The following CASP9 variants were observed in gnomAD, a reference collection of about 807,000 sequenced individuals.
CASP9 encodes caspase 9.
Under a neutral mutation model 43.5 loss-of-function variants are expected in CASP9, and 29 were observed. That is an observed-to-expected ratio of 0.67 (90% CI 0.50 to 0.91). The LOEUF (loss-of-function observed/expected upper bound fraction) is 0.91, where lower values mean the gene tolerates loss of function less well. CASP9 is among the 40% of genes least tolerant of loss of function. The probability of loss-of-function intolerance (pLI) is 0.00; values close to 1 mark genes in which losing one functional copy is unlikely to be tolerated. For missense variants in CASP9, 575 were observed against 537.4 expected (o/e 1.07, Z -0.69); for synonymous variants, 206 against 211.9 (o/e 0.97, Z 0.24).
chr1:15,493,333 G>A (rs1708963557), intron 8 of CASP9: 1 of 1,277,832 alleles, frequency 7.8e-7, no homozygotes. Flanking sequence ...CAGAGCAGCT[G>A]GGGCCCATAC....
At chr1:15,501,523 A>G (rs1329219322) in intron 6 of CASP9, among the ~76,000 whole-genome samples, 1 of 152,090 alleles carries the variant, frequency 6.6e-6, no homozygotes, top group Non-Finnish European at 1.5e-5. Flanking sequence ...ATGTAAACAG[A>G]CCCCTCGCCA....
chr1:15,524,187 T>G lies in CASP9; in HGVS notation c.14A>C (p.Asp5Ala), dbSNP rs1481496881. 1 of 1,546,248 alleles carries G rather than the reference T, an allele frequency of 6.5e-7. No homozygotes were observed. Among genetic ancestry groups the G allele is most frequent in the Non-Finnish European group, 8.7e-7 (1 of 1,150,580 alleles). MDEA[D>A]RRLLRRCRLR... ...CCGGCACCGCCGCAGGAGCCGCCGA[T>G]CCGCTTCGTCCATGGCGAGTAGCCA... Residue 5 changes from aspartate to alanine, a missense_variant, in exon 1 of 9, where the codon GAT becomes GCT. Coordinates refer to ENST00000333868, the MANE Select transcript of CASP9 (RefSeq NM_001229.5).
chr1:15,505,941 C>T (rs1200581234), intron 5 of CASP9, 49 bp downstream of exon 5: 1 of 1,445,758 alleles, frequency 6.9e-7, no homozygotes, highest in South Asian at 1.1e-5. Context: ...AGCCTCTTGG[C>T]ACGGCCAGTA....
Position 15,495,425 on chromosome 1 carries a change from G to A in CASP9, c.896C>T (p.Ala299Val), listed in dbSNP as rs1250501639. 1 of 1,603,250 alleles carries A rather than the reference G, an allele frequency of 6.2e-7. No homozygotes were observed. ...GGACTCGTCTTCAGGGGAAGTGGAG[G>A]CCACCTCAAACCCATGGTCTTTCTG... ...GEQKDHGFEV[A>V]STSPEDESPG... is the part of the protein sequence containing the mutation. Residue 299 changes from alanine to valine, a missense_variant, in exon 7 of 9, where the codon GCC becomes GTC. Ala to Val is a moderately conservative substitution (Grantham distance 64). Coordinates refer to ENST00000333868, the MANE Select transcript of CASP9 (RefSeq NM_001229.5).
In CASP9 at chr1:15,493,555, G is replaced by A. The variant is rs1407274922; in HGVS notation, c.1158+337C>T. 4 of 1,416,672 alleles carry A rather than the reference G, an allele frequency of 2.8e-6. No individual in the cohort carries two copies. The African/African-American group carries it at 4.3e-5, about 15-fold the overall frequency. The allele number at this position is 1,416,672 out of a possible 1,614,324, so 87.8% of individuals were successfully genotyped here. A position where few individuals can be genotyped will look rare whatever the true frequency, so the allele number is the denominator to read the frequency against. On this transcript the variant is annotated intron_variant, in intron 8 of 8. Transcript: ENST00000333868. Reference sequence around the variant, plus strand: ...GACTACATGATGCCCACAGGATATAGGGAGGGGCCCATGACCCGCCTTCAG... The same window carrying A: ...GACTACATGATGCCCACAGGATATAAGGAGGGGCCCATGACCCGCCTTCAG...
Position 15,505,943 on chromosome 1 carries a change from C to T in CASP9, c.720+47G>A, listed in dbSNP as rs534171820. On this transcript the variant is annotated intron_variant, in intron 5 of 8. Transcript: ENST00000333868. ...ATGGCCCCTGCACAGCCTCTTGGCA[C>T]GGCCAGTACCCAATGCCTGCCCAGG... 175 of 1,434,328 alleles carry T rather than the reference C, an allele frequency of 1.2e-4. 1 individual carries two copies. The Admixed American group carries it at 1.3e-3, about 10-fold the overall frequency. The allele number at this position is 1,434,328 out of a possible 1,614,324, so 88.9% of individuals were successfully genotyped here. A position where few individuals can be genotyped will look rare whatever the true frequency, so the allele number is the denominator to read the frequency against.
chr1:15,506,963 T>C lies in CASP9; in HGVS notation c.566A>G (p.Lys189Arg), dbSNP rs1466269237. Reference protein sequence around the residue: ...TRTGSNIDCEKLRRRFSSLHF... With the variant: ...TRTGSNIDCERLRRRFSSLHF... ...CAGCGAGGAGAAGCGACGCCGCAAC[T>C]TCTCACAGTCGATGTTGGAGCCAGT... Residue 189 changes from lysine (K) to arginine (R), a missense_variant, in exon 4 of 9, where the codon AAG (lysine) becomes AGG (arginine). Physicochemically the swap from Lys to Arg is conservative, Grantham distance 26. Transcript: ENST00000333868. The C allele has an allele frequency of 6.2e-7, 1 of 1,613,750 alleles. No individual in the cohort carries two copies. The highest frequency in any genetic ancestry group is 1.7e-5 in the Admixed American group (1 of 59,976).
At chr1:15,505,623 G>A (rs1360972617) in intron 5 of CASP9, among the ~76,000 whole-genome samples, 2 of 152,118 alleles carry the variant, frequency 1.3e-5, no homozygotes, top group African/African-American at 4.8e-5. Context: ...GGTGTCCTGA[G>A]TCCCACCAGC....
chr1:15,503,124 C>T (rs1025076952), intron 6 of CASP9, among the ~76,000 whole-genome samples: 11 of 152,172 alleles, frequency 7.2e-5, no homozygotes, highest in South Asian at 4.1e-4. Flanking sequence ...CAGTGGCTCA[C>T]GCCTGTAATC....
intron 6 of CASP9, among the ~76,000 whole-genome samples, chr1:15,499,098 G>A (rs1451711112): frequency 6.6e-6 from 1 of 152,188 alleles, no homozygotes; most frequent in East Asian, 1.9e-4. Flanking sequence ...CCTCTAGCAA[G>A]TAGCTATCAG....
In CASP9 at chr1:15,491,522, C is replaced by T; in HGVS notation, c.*1421G>A. On this transcript the variant is annotated 3_prime_UTR_variant, in exon 9 of 9. Coordinates refer to ENST00000333868, the MANE Select transcript of CASP9 (RefSeq NM_001229.5). ...CCTGTAACCCCTGCACTTTGGGAGG[C>T]TAAGGCAGGCTGATCGCTTGAGTCC... 1 of 584,220 alleles carries T rather than the reference C, an allele frequency of 1.7e-6. No homozygotes were observed. The highest frequency in any genetic ancestry group is 3.0e-5 in the Admixed American group (1 of 33,052). 36.2% of individuals were successfully genotyped at this position (584,220 alleles called of 1,614,324 possible).
upstream of CASP9, chr1:15,524,672 T>C (rs1710380655): frequency 2.0e-6 from 2 of 984,946 alleles, no homozygotes; most frequent in African/African-American, 2.6e-5. Flanking sequence ...CGCTCTTGCG[T>C]CACCGCCTCG....
Position 15,524,087 on chromosome 1 carries a change from A to T in CASP9, c.114T>A (p.His38Gln), listed in dbSNP as rs764890956. Residue 38 changes from histidine (H) to glutamine (Q), a missense_variant, in exon 1 of 9, where the codon CAT becomes CAA. Transcript: ENST00000333868. ...GGCGCACCTGGATGTCCTCGATCAT[A>T]TGGGGCCTGAACAGCTCGCGGCTCA... ...ALLSRELFRP[H>Q]MIEDIQRAGS... The T allele has an allele frequency of 1.3e-6, 2 of 1,526,138 alleles. No homozygotes were observed. Among genetic ancestry groups the T allele is most frequent in the Non-Finnish European group, 1.8e-6 (2 of 1,141,500 alleles). 94.5% of individuals were successfully genotyped at this position (1,526,138 alleles called of 1,614,324 possible).
Position 15,507,915 on chromosome 1 carries a change from G to A in CASP9, c.419-8C>T. The A allele has an allele frequency of 6.2e-7, 1 of 1,614,088 alleles. No homozygotes were observed. The highest frequency in any genetic ancestry group is 8.5e-7 in the Non-Finnish European group (1 of 1,179,958). On this transcript the variant is annotated splice_region_variant and splice_polypyrimidine_tract_variant and intron_variant, in intron 2 of 8. Coordinates refer to ENST00000333868, the MANE Select transcript of CASP9 (RefSeq NM_001229.5). ...TCAAACTCTCAAGAGCACCTGAAGA[G>A]GCAGAGAAAGAGAGAAACATGAATG...
chr1:15,520,655 C>T (rs971465085), intron 1 of CASP9, among the ~76,000 whole-genome samples: 11 of 152,144 alleles, frequency 7.2e-5, no homozygotes, highest in Admixed American at 2.0e-4. Context: ...CTTAGCAGAC[C>T]GCGAAGGGGA....
chr1:15,502,635 T>C (rs1368833788), intron 6 of CASP9, among the ~76,000 whole-genome samples: 1 of 152,120 alleles, frequency 6.6e-6, no homozygotes, highest in Non-Finnish European at 1.5e-5. Flanking sequence ...GAAGCCCTGC[T>C]ACTGAGTCCT....
At chr1:15,524,541 T>G, upstream of CASP9, 2 of 242,678 alleles carry the variant, frequency 8.2e-6, no homozygotes, top group Non-Finnish European at 1.1e-5. Flanking sequence ...AATCCACCAC[T>G]GCGTCCCCGC....
chr1:15,509,435 T>C (rs184241332), intron 2 of CASP9, among the ~76,000 whole-genome samples: 172 of 128,926 alleles, frequency 1.3e-3, no homozygotes, highest in African/African-American at 4.8e-3. Flanking sequence ...GCCAACGTGG[T>C]GAAACCCCAT....
intron 1 of CASP9, among the ~76,000 whole-genome samples, chr1:15,522,165 G>C (rs758641218): frequency 1.3e-5 from 2 of 152,206 alleles, no homozygotes; most frequent in African/African-American, 4.8e-5. Context: ...AAAAATTTCA[G>C]GGAAACTGAG....
Sources: gnomAD v4.1 joint callset for allele counts (sites outside exome capture counted in the v4.1 genomes callset) on GRCh38, gnomAD v4.1.1 for gene constraint, MANE v1.5 for transcripts, NCBI Gene and HGNC (gene_info 2026-07-23, HGNC 2026-07-21) for gene names.